The following KIZ variants were observed in gnomAD, a reference collection of about 807,000 sequenced individuals.
The protein encoded by KIZ is centrosomal protein kizuna.
In KIZ, 68 loss-of-function variants were observed where a neutral mutation model predicts 79.6. That is an observed-to-expected ratio of 0.85 (90% CI 0.70 to 1.05). The LOEUF (loss-of-function observed/expected upper bound fraction) is 1.05. KIZ is among the 50% of genes least tolerant of loss of function. The pLI is 0.00. For synonymous variants in KIZ, 280 were observed against 281.8 expected, an observed-to-expected ratio of 0.99 and a Z score of 0.06; for missense variants, 797 against 800.4, an observed-to-expected ratio of 1.00 and a Z score of 0.05.
At chr20:21,133,668 G>A (rs1436883257) in intron 2 of KIZ, among the ~76,000 whole-genome samples, 2 of 152,262 alleles carry the variant, frequency 1.3e-5, no homozygotes, top group East Asian at 3.8e-4. Context: ...AAACAAGGCT[G>A]CCTCCACCTA....
intron 6 of KIZ, among the ~76,000 whole-genome samples, chr20:21,187,816 A>C (rs767918153): frequency 6.6e-6 from 1 of 152,210 alleles, no homozygotes; most frequent in Non-Finnish European, 1.5e-5. Context: ...AACTGATTAT[A>C]ATGTCTAGTA....
intron 11 of KIZ, among the ~76,000 whole-genome samples, chr20:21,242,684 G>T (rs1036689137): frequency 2.6e-5 from 4 of 152,066 alleles, no homozygotes; most frequent in African/African-American, 9.7e-5. Context: ...GAGACGGGAG[G>T]AGCTGAGCTC....
chr20:21,180,662 G>T (rs1027107728), intron 6 of KIZ, among the ~76,000 whole-genome samples: 1 of 152,146 alleles, frequency 6.6e-6, no homozygotes, highest in Non-Finnish European at 1.5e-5. Flanking sequence ...TCAAGCCCTG[G>T]TTGTTCAAGA....
chr20:21,244,518 C>T, intron 12 of KIZ: 3 of 531,964 alleles, frequency 5.6e-6, no homozygotes, highest in Non-Finnish European at 1.0e-5. Context: ...TTGTAATTTG[C>T]AAGTATGAAT....
At chr20:21,239,307 C>G (rs957380497) in intron 11 of KIZ, among the ~76,000 whole-genome samples, 7 of 152,334 alleles carry the variant, frequency 4.6e-5, no homozygotes, top group African/African-American at 1.4e-4. Context: ...GCAGGGTTCT[C>G]CCTGCCCTAC....
chr20:21,206,753 T>G (rs756934054), intron 7 of KIZ, among the ~76,000 whole-genome samples: 8 of 152,194 alleles, frequency 5.3e-5, no homozygotes, highest in Non-Finnish European at 8.8e-5. Context: ...ATTTCATGTT[T>G]GGTTTGGGAC....
At chr20:21,214,760 T>C in intron 8 of KIZ, 60 bp downstream of exon 8, 1 of 1,094,422 alleles carries the variant, frequency 9.1e-7, no homozygotes. Context: ...TCATCATCTT[T>C]CTCAAGGTAC....
chr20:21,202,144 AAG>A (rs1476785179), intron 6 of KIZ, among the ~76,000 whole-genome samples: 5 of 152,220 alleles, frequency 3.3e-5, no homozygotes, highest in African/African-American at 1.2e-4. Flanking sequence ...TATTAGTAAC[AAG>A]AGTCTTGCCT....
intron 4 of KIZ, among the ~76,000 whole-genome samples, chr20:21,147,150 T>C (rs1283558913): frequency 1.3e-5 from 2 of 152,198 alleles, no homozygotes; most frequent in African/African-American, 4.8e-5. Context: ...TTTTCTTTAT[T>C]TACCCACTGA....
chr20:21,204,105 G>GT (rs71330816), intron 6 of KIZ, among the ~76,000 whole-genome samples: 766 of 74,996 alleles, frequency 0.01, 141 homozygotes, highest in East Asian at 0.015. Context: ...AGTCATCTAT[G>GT]TTTTTTTTTT....
At chr20:21,153,218 G>A (rs1258123318) in intron 4 of KIZ, among the ~76,000 whole-genome samples, 4 of 152,046 alleles carry the variant, frequency 2.6e-5, no homozygotes, top group Admixed American at 6.5e-5. Context: ...TGATGCCACC[G>A]TCACCACCAT....
At position 21,135,263 on chromosome 20, in the gene KIZ, C is replaced by T. The variant is rs1168879054; in HGVS notation, c.153-1127C>T. Among the ~76,000 whole-genome samples, 9 of 152,268 alleles carry T rather than the reference C, an allele frequency of 5.9e-5. No homozygotes were observed. The East Asian group carries it at 1.7e-3, about 29-fold the overall frequency. On this transcript the variant is annotated intron_variant, in intron 2 of 12. Coordinates refer to ENST00000619189, the MANE Select transcript of KIZ (RefSeq NM_018474.6). ...GAATTTGGATGGAGAAGGCATAGTA[C>T]AATTGTACCCACTCCGGGTAGACAC...
chr20:21,163,213 C>T, intron 6 of KIZ, 54 bp downstream of exon 6: 1 of 1,202,792 alleles, frequency 8.3e-7, no homozygotes, highest in Non-Finnish European at 1.2e-6. Flanking sequence ...GTAGACATTT[C>T]TAGAGACCAT....
chr20:21,160,337 C>A (rs1231341392), intron 4 of KIZ, among the ~76,000 whole-genome samples: 3 of 152,184 alleles, frequency 2.0e-5, no homozygotes, highest in Non-Finnish European at 4.4e-5. Flanking sequence ...TGCCTCCTTG[C>A]TTTAAACTCA....
chr20:21,223,972 C>A (rs1455062204), intron 9 of KIZ, among the ~76,000 whole-genome samples: 3 of 151,782 alleles, frequency 2.0e-5, no homozygotes, highest in African/African-American at 7.3e-5. Context: ...GCCACTGCAC[C>A]CGGCCTTATT....
chr20:21,215,957 C>T (rs561379246), intron 9 of KIZ, among the ~76,000 whole-genome samples: 218 of 152,246 alleles, frequency 1.4e-3, no homozygotes, highest in Non-Finnish European at 2.4e-3. Context: ...GGGGAACACC[C>T]GGTCATTACA....
intron 4 of KIZ, among the ~76,000 whole-genome samples, chr20:21,151,986 A>G (rs1048534222): frequency 6.6e-6 from 1 of 152,204 alleles, no homozygotes; most frequent in South Asian, 2.1e-4. Context: ...TATTCTGCAT[A>G]TGGCGCCCAG....
chr20:21,240,779 G>A (rs937199258), intron 11 of KIZ, among the ~76,000 whole-genome samples: 6 of 152,216 alleles, frequency 3.9e-5, no homozygotes, highest in East Asian at 1.9e-4. Context: ...ATAATGTTTC[G>A]TGACACCTGA....
intron 10 of KIZ, among the ~76,000 whole-genome samples, chr20:21,231,520 CA>C (rs1310270525): frequency 6.6e-6 from 1 of 152,154 alleles, no homozygotes; most frequent in Non-Finnish European, 1.5e-5. Flanking sequence ...GCCCCATACT[CA>C]AAATTACACT....
Sources: allele counts gnomAD v4.1 joint callset (sites outside exome capture counted in the v4.1 genomes callset), GRCh38; gene constraint gnomAD v4.1.1; transcripts MANE v1.5; gene names NCBI Gene and HGNC (gene_info 2026-07-23, HGNC 2026-07-21).